The following RNF126 variants were observed in gnomAD, a reference collection of about 807,000 sequenced individuals.
The protein encoded by RNF126 is ring finger protein 126.
Under a neutral mutation model 41.9 loss-of-function variants are expected in RNF126, and 20 were observed. The observed-to-expected ratio is 0.48, with a 90% CI of 0.34 to 0.69. RNF126 has a LOEUF of 0.69. RNF126 is among the 30% of genes least tolerant of loss of function. The pLI is 0.01. For synonymous variants in RNF126, 239 were observed against 202.9 expected (o/e 1.18, Z -1.51); for missense variants, 433 against 460.6 (o/e 0.94, Z 0.55).
chr19:654,642 CAAAAAAAAAAAAAAAAAAAAAA>C (rs56141012), intron 1 of RNF126, among the ~76,000 whole-genome samples: 4 of 24,640 alleles, frequency 1.6e-4, no homozygotes, highest in Admixed American at 7.4e-4. Flanking sequence ...GACTCCGTCT[CAAAAAAAAAAAAAAAAAAAAAA>C]AAAAAAAAAA....
intron 1 of RNF126, among the ~76,000 whole-genome samples, chr19:655,544 G>C (rs779878961): frequency 6.6e-6 from 1 of 151,818 alleles, no homozygotes; most frequent in Admixed American, 6.6e-5. Context: ...CCAAAAACAC[G>C]CTGGGTAAAC....
Position 648,399 on chromosome 19 carries a change from G to A in RNF126, c.759C>T (p.Asp253=), listed in dbSNP as rs146932907. 48 of 1,570,112 alleles carry A rather than the reference G, an allele frequency of 3.1e-5. No individual in the cohort carries two copies. Among genetic ancestry groups the A allele is most frequent in the Middle Eastern group, 2.3e-4 (1 of 4,424 alleles). The change falls in exon 8 of 9, where the codon GAC becomes GAT. Residue 253 remains aspartate, a synonymous_variant. Transcript: ENST00000292363. ...RQLPCNHLFH[D]GCIVPWLEQH... ...GCTCCAGCCAGGGCACGATGCAGCC[G>A]TCGTGGAACAGGTGGTTGCAGGGCA...
At chr19:653,778 G>A (rs944059127) in intron 1 of RNF126, among the ~76,000 whole-genome samples, 6 of 152,198 alleles carry the variant, frequency 3.9e-5, no homozygotes, top group Non-Finnish European at 2.9e-5. Flanking sequence ...TGCTCTCTAT[G>A]AACGACCCAG....
chr19:662,066 C>T (rs1028653956), intron 1 of RNF126, among the ~76,000 whole-genome samples: 1 of 152,180 alleles, frequency 6.6e-6, no homozygotes, highest in Non-Finnish European at 1.5e-5. Context: ...CACCTGTAAT[C>T]CCAGCGTTTT....
intron 1 of RNF126, among the ~76,000 whole-genome samples, chr19:660,334 A>C (rs2030744020): frequency 6.6e-6 from 1 of 152,240 alleles, no homozygotes; most frequent in African/African-American, 2.4e-5. Context: ...CCCAGAGCCC[A>C]GGACAGCAAA....
In RNF126 at chr19:647,804, G is replaced by A. The variant is rs534314034; in HGVS notation, c.*324C>T. 196 of 419,932 alleles carry A rather than the reference G, an allele frequency of 4.7e-4. No homozygotes were observed. The highest frequency in any genetic ancestry group is 7.9e-4 in the Non-Finnish European group (175 of 221,902). The allele number at this position is 419,932 out of a possible 1,614,324, so 26.0% of individuals were successfully genotyped here. ...CTTCCGCCACAAACCATGCATGGCC[G>A]CCACGTGAGCTCAAACGTCCGTTTA... On this transcript the variant is annotated 3_prime_UTR_variant, in exon 9 of 9. Transcript: ENST00000292363.
At chr19:649,151 C>T (rs1467945844) in intron 6 of RNF126, 176 bp from the exon 7 acceptor site, 1 of 290,782 alleles carries the variant, frequency 3.4e-6, no homozygotes. Flanking sequence ...CCCCCCCGCT[C>T]CTGGGTCCCC....
chr19:661,012 T>C (rs969940898), intron 1 of RNF126, among the ~76,000 whole-genome samples: 6 of 152,250 alleles, frequency 3.9e-5, no homozygotes, highest in African/African-American at 1.4e-4. Context: ...GATTAAATAT[T>C]TGTCAATCAC....
chr19:650,455 A>C, intron 4 of RNF126, 159 bp from the exon 5 acceptor site: 1 of 615,978 alleles, frequency 1.6e-6, no homozygotes, highest in Non-Finnish European at 2.8e-6. Context: ...TCTCACTCTA[A>C]TGCCGAGGCA....
chr19:651,702 A>G lies in RNF126; in HGVS notation c.352T>C (p.Ser118Pro). The G allele has an allele frequency of 6.2e-7, 1 of 1,603,820 alleles. No homozygotes were observed. Among genetic ancestry groups the G allele is most frequent in the South Asian group, 1.1e-5 (1 of 90,296 alleles). Residue 118 changes from serine (S) to proline (P), a missense_variant, in exon 4 of 9, where the codon TCC becomes CCC. Coordinates refer to ENST00000292363, the MANE Select transcript of RNF126 (RefSeq NM_194460.3). ...TGTCGGGCGCCGTACCGGTGCCGGG[A>G]CGGATGGTCTCTCTCCCGCCGGCTC... ...PESRRERDHP[S>P]RHRYGARQPR... is the part of the protein sequence containing the mutation.
At chr19:658,416 G>C (rs2144774014) in intron 1 of RNF126, among the ~76,000 whole-genome samples, 1 of 152,232 alleles carries the variant, frequency 6.6e-6, no homozygotes. Flanking sequence ...GTGGGTGGCA[G>C]GGCCCTCGGG....
chr19:662,985 C>T (rs1166245833), intron 1 of RNF126, 62 bp downstream of exon 1: 2 of 869,480 alleles, frequency 2.3e-6, no homozygotes, highest in Non-Finnish European at 3.1e-6. Context: ...CACCCCGGCC[C>T]CGGCCTTGCC....
intron 4 of RNF126, chr19:650,737 C>T (rs549795266): frequency 3.6e-4 from 56 of 153,456 alleles, no homozygotes; most frequent in Non-Finnish European, 2.2e-4. Flanking sequence ...GGATTACAGG[C>T]GCCCACCGCC....
At chr19:658,441 A>G (rs901025005) in intron 1 of RNF126, among the ~76,000 whole-genome samples, 2 of 152,046 alleles carry the variant, frequency 1.3e-5, no homozygotes, top group African/African-American at 4.8e-5. Flanking sequence ...TGTGCACATC[A>G]GGAGACCCCA....
rs2030167367 is a variant in RNF126 at position 649,498 on chromosome 19, G to A, written c.576+181C>T. On this transcript the variant is annotated intron_variant, in intron 6 of 8. Transcript: ENST00000292363. ...ACAGGAGAACCCCCAAAGTTGCCAAGACTCAGAAATGGCAGGAGGAAGGCC... is the reference window on the plus strand; with the variant it reads ...ACAGGAGAACCCCCAAAGTTGCCAAAACTCAGAAATGGCAGGAGGAAGGCC... 11 of 590,300 alleles carry A rather than the reference G, an allele frequency of 1.9e-5. No homozygotes were observed. The South Asian group carries it at 2.2e-4, about 12-fold the overall frequency. The allele number at this position is 590,300 out of a possible 1,614,324, so 36.6% of individuals were successfully genotyped here.
In RNF126 at chr19:663,135, T is replaced by C. The variant is rs2030884271; in HGVS notation, c.-14A>G. ...CGCCTCGGCCATGGCCGCCGCCACC[T>C]ACTCCGCGCCGCCCGCCCCCCGCGC... On this transcript the variant is annotated 5_prime_UTR_variant, in exon 1 of 9. Coordinates refer to ENST00000292363, the MANE Select transcript of RNF126 (RefSeq NM_194460.3). 4.2e-6 allele frequency: 5 copies of C among 1,203,884 alleles called. No homozygotes were observed. The highest frequency in any genetic ancestry group is 4.2e-6 in the Non-Finnish European group (4 of 963,740). The allele number at this position is 1,203,884 out of a possible 1,614,324, so 74.6% of individuals were successfully genotyped here.
intron 1 of RNF126, among the ~76,000 whole-genome samples, chr19:658,187 C>T (rs776912512): frequency 2.0e-4 from 31 of 152,148 alleles, no homozygotes; most frequent in African/African-American, 6.0e-4. Context: ...CTGCCAGTGC[C>T]GGGCTCCACC....
chr19:661,536 G>A (rs779275872), intron 1 of RNF126: 2 of 152,252 alleles, frequency 1.3e-5, no homozygotes, highest in African/African-American at 2.4e-5. Context: ...TGCTGGGGAG[G>A]GGAAGCCCTG....
Position 663,139 on chromosome 19 carries a change from CCGCGCCGCCCGCCCCCCG to C in RNF126, c.-36_-19del. ...TCGGCCATGGCCGCCGCCACCTACT[CCGCGCCGCCCGCCCCCCG>C]CGCGGCACCCGCCGCCGGCCGTTTG... On this transcript the variant is annotated 5_prime_UTR_variant, in exon 1 of 9. Transcript: ENST00000292363. The C allele has an allele frequency of 1.0e-5, 12 of 1,185,110 alleles. No individual in the cohort carries two copies. The highest frequency in any genetic ancestry group is 1.3e-5 in the Non-Finnish European group (12 of 952,910). 73.4% of individuals were successfully genotyped at this position (1,185,110 alleles called of 1,614,324 possible). A position where few individuals can be genotyped will look rare whatever the true frequency, so the allele number is the denominator to read the frequency against.
Sources: gnomAD v4.1 joint callset for allele counts (sites outside exome capture counted in the v4.1 genomes callset) on GRCh38, gnomAD v4.1.1 for gene constraint, MANE v1.5 for transcripts, NCBI Gene and HGNC (gene_info 2026-07-23, HGNC 2026-07-21) for gene names.